Variants in DNA2 observed in about 807,000 individuals in gnomAD.
DNA2 encodes DNA replication ATP-dependent helicase/nuclease DNA2.
A neutral mutation model predicts 119.1 loss-of-function variants in DNA2; 101 were observed. That is an observed-to-expected ratio of 0.85 (90% CI 0.72 to 1.00). The LOEUF (loss-of-function observed/expected upper bound fraction) is 1.00, where lower values mean the gene tolerates loss of function less well. Among genes scored for constraint, DNA2 ranks in the 50% least tolerant of loss-of-function variants. DNA2 has a pLI of 0.00. For synonymous variants in DNA2, 366 were observed against 424.4 expected, an observed-to-expected ratio of 0.86 and a Z score of 1.69; for missense variants, 1,121 against 1,255.5, an observed-to-expected ratio of 0.89 and a Z score of 1.62.
At position 68,429,501 on chromosome 10, in the gene DNA2, G is replaced by A. The variant is rs372468205; in HGVS notation, c.2208+935C>T. 1.7e-4 allele frequency among the ~76,000 whole-genome samples: 25 copies of A among 145,596 alleles called. No individual in the cohort carries two copies. The South Asian group carries it at 4.3e-3, about 25-fold the overall frequency. ...AGAGGCTGCTGTGAGCTGAGATGGC[G>A]CCATTGCACTCCAGCCTGGGCAACA... is the stretch of plus-strand genomic sequence containing the variant. On this transcript the variant is annotated intron_variant, in intron 14 of 20. Coordinates refer to ENST00000358410, the MANE Select transcript of DNA2 (RefSeq NM_001080449.3).
intron 9 of DNA2, among the ~76,000 whole-genome samples, chr10:68,441,303 C>G (rs1369834280): frequency 1.4e-5 from 2 of 147,840 alleles, no homozygotes; most frequent in Non-Finnish European, 3.0e-5. Flanking sequence ...CACTATACTC[C>G]AGTCAGGGCA....
chr10:68,467,683 T>A (rs1590078203), intron 3 of DNA2, among the ~76,000 whole-genome samples: 1 of 152,152 alleles, frequency 6.6e-6, no homozygotes, highest in East Asian at 1.9e-4. Flanking sequence ...CCTGAGTAGC[T>A]GGGACTACAG....
At chr10:68,447,612 C>A (rs1490152406) in intron 6 of DNA2, among the ~76,000 whole-genome samples, 1 of 151,376 alleles carries the variant, frequency 6.6e-6, no homozygotes, top group Non-Finnish European at 1.5e-5. Context: ...TTGATTGACC[C>A]TGGGAAGTAA....
chr10:68,417,391 C>CAAAAAAAAAAA (rs35777569), intron 19 of DNA2, among the ~76,000 whole-genome samples: 3 of 77,496 alleles, frequency 3.9e-5, no homozygotes, highest in Non-Finnish European at 4.7e-5. Context: ...ATAAGAAAAC[C>CAAAAAAAAAAA]AAAAAAAAAA....
intron 4 of DNA2, among the ~76,000 whole-genome samples, chr10:68,462,197 C>T (rs995962122): frequency 2.6e-5 from 4 of 151,962 alleles, no homozygotes; most frequent in Non-Finnish European, 5.9e-5. Context: ...ATGGTGAAAC[C>T]CTGTCTCTAC....
intron 14 of DNA2, among the ~76,000 whole-genome samples, chr10:68,427,815 C>T (rs951272472): frequency 1.3e-4 from 20 of 151,838 alleles, no homozygotes; most frequent in African/African-American, 1.9e-4. Flanking sequence ...GGGTGGATCA[C>T]GAGGTCGGGA....
intron 5 of DNA2, among the ~76,000 whole-genome samples, chr10:68,451,223 A>C (rs2052113647): frequency 6.6e-6 from 1 of 152,070 alleles, no homozygotes; most frequent in African/African-American, 2.4e-5. Context: ...GCTCATGGTC[A>C]CTTCCAAGTG....
intron 17 of DNA2, among the ~76,000 whole-genome samples, chr10:68,420,295 T>C (rs1022572358): frequency 7.9e-5 from 12 of 152,152 alleles, no homozygotes; most frequent in Non-Finnish European, 1.2e-4. Flanking sequence ...TCCCAGCACT[T>C]TGGGAGGCTG....
At chr10:68,442,312 G>A (rs1343573120) in intron 9 of DNA2, among the ~76,000 whole-genome samples, 2 of 151,602 alleles carry the variant, frequency 1.3e-5, no homozygotes, top group African/African-American at 2.4e-5. Flanking sequence ...TCCACCTCCC[G>A]GGTTCCAGCA....
upstream of DNA2, chr10:68,472,030 C>A: frequency 6.2e-7 from 1 of 1,606,306 alleles, no homozygotes. Context: ...CCCGCGCCGG[C>A]GCGTTCCACG....
At chr10:68,421,179 AC>A (rs373462079) in intron 17 of DNA2, among the ~76,000 whole-genome samples, 10,687 of 150,932 alleles carry the variant, frequency 0.071, 556 homozygotes, top group African/African-American at 0.15. Flanking sequence ...CCAGTGATCC[AC>A]CCCCCTCGGC....
chr10:68,456,183 C>T (rs1304379544), intron 5 of DNA2, among the ~76,000 whole-genome samples: 1 of 152,220 alleles, frequency 6.6e-6, no homozygotes, highest in Non-Finnish European at 1.5e-5. Context: ...AATCACACCA[C>T]TGCACTCCAG....
rs34191745 is a variant in DNA2, at chr10:68,450,250, GAA to G, written c.720-5_720-4del. On this transcript the variant is annotated splice_polypyrimidine_tract_variant and splice_region_variant and intron_variant, in intron 5 of 20. Coordinates refer to ENST00000358410, the MANE Select transcript of DNA2 (RefSeq NM_001080449.3). ...TATCCTTACTATTATCACTTGGCCT[GAA>G]AAAAAAAAAAGCACAAAAACACTTA... is the stretch of plus-strand genomic sequence containing the variant. The G allele has an allele frequency of 5.6e-4, 690 of 1,235,086 alleles. No individual in the cohort carries two copies. Among genetic ancestry groups the G allele is most frequent in the Admixed American group, 1.5e-3 (59 of 39,700 alleles). 76.5% of individuals were successfully genotyped at this position (1,235,086 alleles called of 1,614,324 possible). A position where few individuals can be genotyped will look rare whatever the true frequency, so the allele number is the denominator to read the frequency against.
intron 6 of DNA2, among the ~76,000 whole-genome samples, chr10:68,446,656 C>T (rs957468867): frequency 1.3e-5 from 2 of 152,036 alleles, no homozygotes; most frequent in Non-Finnish European, 2.9e-5. Flanking sequence ...GCAGGCAGAT[C>T]GCTTGAGCCC....
chr10:68,419,943 T>C (rs2051643360), intron 17 of DNA2, 51 bp from the exon 18 acceptor site: 3 of 1,490,480 alleles, frequency 2.0e-6, no homozygotes, highest in African/African-American at 2.8e-5. Context: ...TAAAGAGTAC[T>C]ATAAGTACGC....
At chr10:68,467,551 T>A (rs117564267) in intron 3 of DNA2, among the ~76,000 whole-genome samples, 2,404 of 151,928 alleles carry the variant, frequency 0.016, 33 homozygotes, top group Non-Finnish European at 0.027. Context: ...CCAAAATACA[T>A]TTTTGTTTGT....
intron 6 of DNA2, among the ~76,000 whole-genome samples, chr10:68,448,838 C>T (rs1231419248): frequency 8.2e-6 from 1 of 122,384 alleles, no homozygotes; most frequent in Non-Finnish European, 1.6e-5. Context: ...GGTGCAGTGG[C>T]GTGATCTCAG....
At chr10:68,469,751 C>T (rs1350778225) in intron 2 of DNA2, among the ~76,000 whole-genome samples, 1 of 152,088 alleles carries the variant, frequency 6.6e-6, no homozygotes, top group Non-Finnish European at 1.5e-5. Flanking sequence ...AGGTGTGAGC[C>T]ACCATGCCTG....
Position 68,432,198 on chromosome 10 carries a change from T to C in DNA2, c.1873+8A>G. 1 of 1,528,736 alleles carries C rather than the reference T, an allele frequency of 6.5e-7. No individual in the cohort carries two copies. The highest frequency in any genetic ancestry group is 8.9e-7 in the Non-Finnish European group (1 of 1,122,924). The allele number at this position is 1,528,736 out of a possible 1,614,324, so 94.7% of individuals were successfully genotyped here. ...TTAATCAAAGCAGACATGGTGATTTTAGCATACCCTTTAGAATGCAGGCAA... is the reference window on the plus strand; with the variant it reads ...TTAATCAAAGCAGACATGGTGATTTCAGCATACCCTTTAGAATGCAGGCAA... On this transcript the variant is annotated splice_region_variant and intron_variant, in intron 12 of 20. Transcript: ENST00000358410.
Sources: allele counts gnomAD v4.1 joint callset (sites outside exome capture counted in the v4.1 genomes callset), GRCh38; gene constraint gnomAD v4.1.1; transcripts MANE v1.5; gene names NCBI Gene and HGNC (gene_info 2026-07-23, HGNC 2026-07-21).